Variants in DDIAS observed in about 807,000 individuals in gnomAD.
The protein encoded by DDIAS is DNA damage induced apoptosis suppressor.
A neutral mutation model predicts 15.7 loss-of-function variants in DDIAS; 14 were observed. The ratio of observed to expected loss-of-function variants is 0.89; its 90% confidence interval spans 0.59 to 1.39. DDIAS has a LOEUF of 1.39. Among genes scored for constraint, DDIAS ranks in the 40% most tolerant of loss-of-function variants. The pLI, the probability that DDIAS is intolerant of heterozygous loss-of-function variation, is 0.00. For missense variants in DDIAS, 1,035 were observed against 1,130.9 expected (o/e 0.92, Z 1.22); for synonymous variants, 355 against 395.9 (o/e 0.90, Z 1.23).
rs926278372 is a variant in DDIAS, at chr11:82,929,475, G to A, written c.275+537G>A. ...TCCCAGCGCTTTGGGAGGCCGAGGC[G>A]GGCGGATCACAAGGTCAGGAGATGG... On this transcript the variant is annotated intron_variant, in intron 4 of 5. Transcript: ENST00000533655. 3.3e-5 allele frequency among the ~76,000 whole-genome samples: 5 copies of A among 152,216 alleles called. No homozygotes were observed. In the East Asian group the frequency reaches 5.8e-4, roughly 18 times the overall value.
Position 82,933,920 on chromosome 11 carries a change from G to C in DDIAS, c.2582G>C (p.Ser861Thr). Residue 861 changes from serine to threonine, a missense_variant, in exon 6 of 6, where the codon AGT becomes ACT. By Grantham distance (58) the Ser-to-Thr change is moderately conservative. Transcript: ENST00000533655. ...YPFAECHETD[S>T]DEWVPPTTQK... The stretch of plus-strand genomic sequence containing the variant: ...TTTGCTGAGTGCCATGAAACTGATA[G>C]TGATGAATGGGTCCCTCCTACCACA... The C allele has an allele frequency of 6.2e-7, 1 of 1,613,298 alleles. No individual in the cohort carries two copies. Among genetic ancestry groups the C allele is most frequent in the Non-Finnish European group, 8.5e-7 (1 of 1,179,846 alleles).
chr11:82,911,697 T>G (rs951048569), intron 1 of DDIAS, among the ~76,000 whole-genome samples: 15 of 152,246 alleles, frequency 9.9e-5, no homozygotes, highest in African/African-American at 3.6e-4. Context: ...TGAATGTTCT[T>G]ATTAGCTTCT....
At chr11:82,928,644 T>C (rs540033456) in intron 3 of DDIAS, 133 bp from the exon 4 acceptor site, 2 of 862,000 alleles carry the variant, frequency 2.3e-6, no homozygotes, top group Middle Eastern at 3.5e-4. Context: ...TCTGAAAGAG[T>C]TTAAGAAGAA....
chr11:82,933,552 C>A lies in DDIAS; in HGVS notation c.2214C>A (p.Ser738Arg), dbSNP rs200783055. The A allele has an allele frequency of 9.5e-5, 154 of 1,613,960 alleles. No individual in the cohort carries two copies. Among genetic ancestry groups the A allele is most frequent in the Non-Finnish European group, 1.3e-4 (149 of 1,179,986 alleles). Reference protein sequence around the residue: ...IQPSQKLSLQSLSDSRHSRTC... With the variant: ...IQPSQKLSLQRLSDSRHSRTC... ...CTTCACAAAAATTATCCTTGCAAAG[C>A]CTATCTGACTCTAGGCATTCAAGAA... is the stretch of plus-strand genomic sequence containing the variant. The change falls in exon 6 of 6, where the codon AGC becomes AGA. Residue 738 changes from serine to arginine, a missense_variant. Coordinates refer to ENST00000533655, the MANE Select transcript of DDIAS (RefSeq NM_145018.4).
intron 5 of DDIAS, among the ~76,000 whole-genome samples, chr11:82,931,300 G>A (rs1860979351): frequency 6.6e-6 from 1 of 152,028 alleles, no homozygotes; most frequent in African/African-American, 2.4e-5. Context: ...ATCGAAATTG[G>A]AATTGGGGGA....
chr11:82,903,981 T>C (rs1860378127), intron 1 of DDIAS, among the ~76,000 whole-genome samples: 1 of 152,216 alleles, frequency 6.6e-6, no homozygotes, highest in Non-Finnish European at 1.5e-5. Flanking sequence ...CAAATACACA[T>C]AGTTTCTTTC....
intron 3 of DDIAS, among the ~76,000 whole-genome samples, chr11:82,916,611 G>T (rs1171580127): frequency 6.6e-6 from 1 of 152,042 alleles, no homozygotes; most frequent in Non-Finnish European, 1.5e-5. Flanking sequence ...AAGATAATCT[G>T]CAACAAAAAT....
At chr11:82,924,256 G>A (rs192714083) in intron 3 of DDIAS, among the ~76,000 whole-genome samples, 132 of 152,220 alleles carry the variant, frequency 8.7e-4, no homozygotes, top group African/African-American at 3.1e-3. Context: ...TTTAATCTGG[G>A]TCTATAAACT....
In DDIAS at chr11:82,933,161, A is replaced by G. The variant is rs1278942137; in HGVS notation, c.1823A>G (p.Lys608Arg). 1 of 1,610,754 alleles carries G rather than the reference A, an allele frequency of 6.2e-7. No homozygotes were observed. Among genetic ancestry groups the G allele is most frequent in the Non-Finnish European group, 8.5e-7 (1 of 1,179,786 alleles). The change falls in exon 6 of 6, where the codon AAA (lysine) becomes AGA (arginine). Residue 608 changes from lysine to arginine, a missense_variant. Coordinates refer to ENST00000533655, the MANE Select transcript of DDIAS (RefSeq NM_145018.4). ...TATAATGATGTCTCTGATCTTTGCA[A>G]ATTAGAAAATAAACAATATTGTAGG... is the stretch of plus-strand genomic sequence containing the variant. ...RKYNDVSDLC[K>R]LENKQYCRWS...
rs1368754768 is a variant in DDIAS, at chr11:82,917,606, T to A, written c.113+2755T>A. On this transcript the variant is annotated intron_variant, in intron 3 of 5. Transcript: ENST00000533655. ...ATTGTGAACTGGGCTGCTATAAACA[T>A]GAGTGTGCAAGTATCTTTTGCATAT... 5.9e-5 allele frequency among the ~76,000 whole-genome samples: 9 copies of A among 152,300 alleles called. No homozygotes were observed. The East Asian group carries it at 1.5e-3, about 26-fold the overall frequency.
chr11:82,917,407 C>A (rs1860654703), intron 3 of DDIAS, among the ~76,000 whole-genome samples: 1 of 150,450 alleles, frequency 6.6e-6, no homozygotes, highest in Non-Finnish European at 1.5e-5. Context: ...GTTTGATTTT[C>A]CATTCCTGAG....
Position 82,930,150 on chromosome 11 carries a change from A to C in DDIAS, c.276-7A>C. On this transcript the variant is annotated splice_region_variant and splice_polypyrimidine_tract_variant and intron_variant, in intron 4 of 5. Coordinates refer to ENST00000533655, the MANE Select transcript of DDIAS (RefSeq NM_145018.4). ...GCTTCACATTTTTTACTTTTTTTCC[A>C]ATCAAGGTACATTCAGGATCCTAAT... The C allele has an allele frequency of 6.7e-7, 1 of 1,496,114 alleles. No individual in the cohort carries two copies. The highest frequency in any genetic ancestry group is 9.1e-7 in the Non-Finnish European group (1 of 1,096,712). 92.7% of individuals were successfully genotyped at this position (1,496,114 alleles called of 1,614,324 possible).
chr11:82,907,663 C>G (rs549844063), intron 1 of DDIAS, among the ~76,000 whole-genome samples: 7 of 152,320 alleles, frequency 4.6e-5, no homozygotes, highest in African/African-American at 1.7e-4. Flanking sequence ...CCTCAGCCTC[C>G]TGAGTAGCTG....
intron 1 of DDIAS, among the ~76,000 whole-genome samples, chr11:82,910,107 A>G (rs141893286): frequency 6.6e-6 from 1 of 152,288 alleles, no homozygotes; most frequent in African/African-American, 2.4e-5. Context: ...AGTGTCAAAA[A>G]CAGCATCACC....
chr11:82,914,951 T>C (rs1255374651), intron 3 of DDIAS, 100 bp downstream of exon 3: 2 of 720,452 alleles, frequency 2.8e-6, no homozygotes, highest in Non-Finnish European at 4.4e-6. Flanking sequence ...AACAAGGACA[T>C]TAGATTCTCT....
At chr11:82,925,805 G>T (rs1437402070) in intron 3 of DDIAS, among the ~76,000 whole-genome samples, 1 of 151,788 alleles carries the variant, frequency 6.6e-6, no homozygotes, top group Non-Finnish European at 1.5e-5. Flanking sequence ...TGGCTAACAC[G>T]GTGAAACCCT....
chr11:82,928,554 GTAT>G (rs1171299730), intron 3 of DDIAS, among the ~76,000 whole-genome samples: 7 of 152,074 alleles, frequency 4.6e-5, no homozygotes, highest in African/African-American at 1.7e-4. Flanking sequence ...AATTTGGTAT[GTAT>G]TTCTATCAAC....
At chr11:82,906,326 GTTTTTATAGATT>G (rs1860430477) in intron 1 of DDIAS, among the ~76,000 whole-genome samples, 1 of 152,058 alleles carries the variant, frequency 6.6e-6, no homozygotes, top group African/African-American at 2.4e-5. Flanking sequence ...CAAATTTGCT[GTTTTTATAGATT>G]TTTAGACTTA....
At chr11:82,914,211 A>C (rs896847149) in intron 2 of DDIAS, 21 of 242,828 alleles carry the variant, frequency 8.6e-5, no homozygotes, top group African/African-American at 4.7e-4. Context: ...CTGGGATTAC[A>C]GGCATGAGCC....
Sources: allele counts gnomAD v4.1 joint callset (sites outside exome capture counted in the v4.1 genomes callset), GRCh38; gene constraint gnomAD v4.1.1; transcripts MANE v1.5; gene names NCBI Gene and HGNC (gene_info 2026-07-23, HGNC 2026-07-21).